ZFR2: variants seen among roughly 807,000 people sequenced by gnomAD.
ZFR2 encodes the protein zinc finger RNA binding protein 2.
In ZFR2, 104 loss-of-function variants were observed where a neutral mutation model predicts 105.7. The ratio of observed to expected loss-of-function variants is 0.98; its 90% CI spans 0.84 to 1.16. ZFR2 has a LOEUF of 1.16. Ranked by LOEUF, ZFR2 falls within the 50% of genes most tolerant of loss-of-function variation. ZFR2 has a pLI of 0.00. For missense variants in ZFR2, 1,425 were observed against 1,355.5 expected (o/e 1.05, Z -0.80); for synonymous variants, 634 against 597.7 (o/e 1.06, Z -0.89).
chr19:3,846,449 G>A (rs1477108515), intron 1 of ZFR2, among the ~76,000 whole-genome samples: 2 of 152,202 alleles, frequency 1.3e-5, no homozygotes, highest in African/African-American at 2.4e-5. Context: ...TTGTCATGGT[G>A]AGCGGGACAG....
intron 3 of ZFR2, among the ~76,000 whole-genome samples, chr19:3,832,634 TTTTTTTA>T (rs1568425488): frequency 6.9e-6 from 1 of 145,808 alleles, no homozygotes; most frequent in Non-Finnish European, 1.5e-5. Flanking sequence ...TTTTGTTTTT[TTTTTTTA>T]TTTTTTATTT....
At position 3,813,378 on chromosome 19, in the gene ZFR2, C is replaced by T. The variant is rs1258726709; in HGVS notation, c.2242+442G>A. ...GCCTGGCAGGTCTGGCTTTAAGACC[C>T]CCGATTCCCTACATTCCTAATCAGT... On this transcript the variant is annotated intron_variant, in intron 14 of 18. Transcript: ENST00000262961. The surrounding 1 kb of genome is among the most constrained non-coding windows in gnomAD (Gnocchi z 4.4). Among the ~76,000 whole-genome samples, 2 of 152,094 alleles carry T rather than the reference C, an allele frequency of 1.3e-5. No individual in the cohort carries two copies. Among genetic ancestry groups the T allele is most frequent in the Admixed American group, 6.6e-5 (1 of 15,258 alleles).
rs1331872530 is a variant in ZFR2, at chr19:3,806,073, T to A, written c.2696A>T (p.Asp899Val). ...FRQTHKVLGM[D>V]LLPPRHRLGA... is the part of the protein sequence containing the mutation. ...CAGCCGGTGTCTGGGCGGCAGGAGA[T>A]CCATGCCCAGGACCTTGTGGGTCTG... The change falls in exon 19 of 19, where the codon GAT becomes GTT. Residue 899 changes from aspartate (D) to valine (V), a missense_variant. By Grantham distance (152) the Asp-to-Val change is radical (BLOSUM62 -3). Transcript: ENST00000262961. 3 of 1,528,404 alleles carry A rather than the reference T, an allele frequency of 2.0e-6. No homozygotes were observed. Among genetic ancestry groups the A allele is most frequent in the Admixed American group, 4.0e-5 (2 of 49,688 alleles). The allele number at this position is 1,528,404 out of a possible 1,614,324, so 94.7% of individuals were successfully genotyped here.
chr19:3,867,310 G>GT (rs1555762899), intron 1 of ZFR2, among the ~76,000 whole-genome samples: 1 of 150,006 alleles, frequency 6.7e-6, no homozygotes, highest in Admixed American at 6.6e-5. Context: ...CTGTTGGGGG[G>GT]GGAATCTGGT....
chr19:3,868,520 C>T (rs1418960884), intron 1 of ZFR2, among the ~76,000 whole-genome samples: 1 of 152,084 alleles, frequency 6.6e-6, no homozygotes, highest in Non-Finnish European at 1.5e-5. Flanking sequence ...GGCCAGGCAC[C>T]TCCCAGGTCT....
chr19:3,855,508 T>C (rs1292643352), intron 1 of ZFR2: 1 of 1,178,698 alleles, frequency 8.5e-7, no homozygotes, highest in Admixed American at 4.2e-5. Flanking sequence ...TCATGGGCGC[T>C]GTCACAGCAG....
intron 5 of ZFR2, among the ~76,000 whole-genome samples, chr19:3,829,106 C>T (rs955433440): frequency 1.8e-4 from 27 of 152,032 alleles, no homozygotes; most frequent in African/African-American, 6.0e-4. Flanking sequence ...GGACTACAGG[C>T]GTCTGCCACC....
chr19:3,834,541 C>T lies in ZFR2; in HGVS notation c.264+232G>A, dbSNP rs1038168652. 4.6e-5 allele frequency among the ~76,000 whole-genome samples: 7 copies of T among 152,150 alleles called. No homozygotes were observed. The highest frequency in any genetic ancestry group is 1.7e-4 in the African/African-American group (7 of 41,430). On this transcript the variant is annotated intron_variant, in intron 2 of 18. Coordinates refer to ENST00000262961, the MANE Select transcript of ZFR2 (RefSeq NM_015174.2). This position sits in a 1 kb window ranked among gnomAD's most constrained non-coding sequence, Gnocchi z 5.3. The stretch of plus-strand genomic sequence containing the variant: ...TGCGCCGTCACTGTCCCCACTGCCC[C>T]GACGTGGAGGTACGCATGCGGCCTG...
chr19:3,840,272 C>CTG (rs1428727909), intron 1 of ZFR2, among the ~76,000 whole-genome samples: 1 of 151,274 alleles, frequency 6.6e-6, no homozygotes, highest in Non-Finnish European at 1.5e-5. Context: ...CAGTCTTGCT[C>CTG]TGTCGCCCAG....
intron 1 of ZFR2, among the ~76,000 whole-genome samples, chr19:3,863,663 G>A: frequency 6.6e-6 from 1 of 152,186 alleles, no homozygotes; most frequent in East Asian, 1.9e-4. Flanking sequence ...TAGCAGGGCA[G>A]GGGCAGGTGA....
In ZFR2 at chr19:3,808,942, A is replaced by G; in HGVS notation, c.2475T>C (p.Ala825=). 6.4e-7 allele frequency: 1 copy of G among 1,572,034 alleles called. No homozygotes were observed. The highest frequency in any genetic ancestry group is 8.6e-7 in the Non-Finnish European group (1 of 1,160,920). ...CTGCATCCCCGGGGCCCAGGGGCCC[A>G]GCCGCACTGCTCACAGCCTTCTCCA... ...LLVEKAVSSA[A]GPLGPGDAVR... The change falls in exon 17 of 19, where the codon GCT becomes GCC. Residue 825 remains alanine (A), a synonymous_variant. Transcript: ENST00000262961.
chr19:3,833,624 C>G, intron 3 of ZFR2, 40 bp downstream of exon 3: 1 of 1,449,064 alleles, frequency 6.9e-7, no homozygotes. Context: ...CTGCGGGGAG[C>G]GTCTCCTCGT....
intron 5 of ZFR2, among the ~76,000 whole-genome samples, chr19:3,830,383 C>T (rs57069694): frequency 0.04 from 6,063 of 152,208 alleles, 382 homozygotes; most frequent in African/African-American, 0.14. Flanking sequence ...CTGTAGCGAG[C>T]TGTGATTGTA....
At chr19:3,868,288 C>T (rs1328730548) in intron 1 of ZFR2, among the ~76,000 whole-genome samples, 1 of 151,516 alleles carries the variant, frequency 6.6e-6, no homozygotes, top group Non-Finnish European at 1.5e-5. Flanking sequence ...GTTTTCTCCT[C>T]CCCTACAAGT....
At chr19:3,859,336 C>T (rs772586474) in intron 1 of ZFR2, among the ~76,000 whole-genome samples, 9 of 152,180 alleles carry the variant, frequency 5.9e-5, no homozygotes, top group Non-Finnish European at 1.3e-4. Context: ...GTCGGCTTCC[C>T]GACTTTTGAG....
chr19:3,852,737 T>A, intron 1 of ZFR2: 1 of 634,560 alleles, frequency 1.6e-6, no homozygotes, highest in South Asian at 1.9e-5. Flanking sequence ...AAAACACAGC[T>A]CCTGGGAAGA....
intron 16 of ZFR2, among the ~76,000 whole-genome samples, chr19:3,809,640 C>A (rs2037740274): frequency 6.6e-6 from 1 of 152,170 alleles, no homozygotes; most frequent in South Asian, 2.1e-4. Context: ...GAGGACGTTT[C>A]CCCTAAACAA....
At chr19:3,825,690 C>T (rs2037941790) in intron 6 of ZFR2, among the ~76,000 whole-genome samples, 1 of 152,180 alleles carries the variant, frequency 6.6e-6, no homozygotes, top group East Asian at 1.9e-4. Flanking sequence ...GACGCTCTTC[C>T]TCCTCCTCCA....
At chr19:3,807,902 CATGT>C (rs368685665) in intron 17 of ZFR2, among the ~76,000 whole-genome samples, 6 of 136,000 alleles carry the variant, frequency 4.4e-5, no homozygotes, top group African/African-American at 8.5e-5. Context: ...CGTGTGCACT[CATGT>C]ATGTGTATAT....
Sources: gnomAD v4.1 joint callset for allele counts (sites outside exome capture counted in the v4.1 genomes callset) on GRCh38, gnomAD v4.1.1 for gene constraint, Gnocchi (gnomAD v3.1) non-coding constraint, MANE v1.5 for transcripts, NCBI Gene and HGNC (gene_info 2026-07-23, HGNC 2026-07-21) for gene names.